The following WDR19 variants were observed in gnomAD, a reference collection of about 807,000 sequenced individuals.
The protein encoded by WDR19 is WD repeat-containing protein 19.
A neutral mutation model predicts 180.0 loss-of-function variants in WDR19; 121 were observed. The observed-to-expected ratio is 0.67, with a 90% CI of 0.58 to 0.78. The LOEUF is 0.78. Ranked by LOEUF, WDR19 falls within the 30% of genes least tolerant of loss-of-function variation. WDR19 has a pLI of 0.00. For synonymous variants in WDR19, 497 were observed against 540.7 expected (o/e 0.92, Z 1.12); for missense variants, 1,450 against 1,640.7 (o/e 0.88, Z 2.01).
intron 9 of WDR19, among the ~76,000 whole-genome samples, chr4:39,208,549 C>T (rs1311657577): frequency 6.6e-6 from 1 of 151,964 alleles, no homozygotes; most frequent in East Asian, 1.9e-4. Context: ...GTGATCCACC[C>T]GCCTTAGCCT....
intron 5 of WDR19, among the ~76,000 whole-genome samples, chr4:39,196,191 TGTAGCCCCA>T (rs1726728885): frequency 6.6e-6 from 1 of 152,236 alleles, no homozygotes; most frequent in Non-Finnish European, 1.5e-5. Context: ...GCAAAATCTC[TGTAGCCCCA>T]GTCTCTTCTC....
At chr4:39,217,679 G>C (rs532322367) in intron 13 of WDR19, among the ~76,000 whole-genome samples, 4 of 152,198 alleles carry the variant, frequency 2.6e-5, no homozygotes, top group Admixed American at 2.6e-4. Context: ...CTGTGAAGAG[G>C]GGGCTTCTAA....
At chr4:39,240,690 A>C (rs1043891653) in intron 21 of WDR19, among the ~76,000 whole-genome samples, 1 of 152,040 alleles carries the variant, frequency 6.6e-6, no homozygotes, top group Non-Finnish European at 1.5e-5. Context: ...GGTGGCTCAC[A>C]CCTGTAATCC....
At position 39,228,427 on chromosome 4, in the gene WDR19, T is replaced by A. The variant is rs1730507480; in HGVS notation, c.1778-59T>A. ...CATTGCAGTAAAATTAAAACATTCTTTCTGATGTTTGTGCTGAGTATTAGC... is the reference window on the plus strand; with the variant it reads ...CATTGCAGTAAAATTAAAACATTCTATCTGATGTTTGTGCTGAGTATTAGC... On this transcript the variant is annotated intron_variant, in intron 16 of 36. Transcript: ENST00000399820. 1.4e-5 allele frequency: 23 copies of A among 1,602,702 alleles called. No individual in the cohort carries two copies. In the South Asian group the frequency reaches 2.6e-4, roughly 18 times the overall value.
intron 13 of WDR19, 134 bp downstream of exon 13, chr4:39,217,374 C>A: frequency 1.5e-6 from 1 of 684,766 alleles, no homozygotes; most frequent in Non-Finnish European, 2.4e-6. Context: ...AAAGGATTAA[C>A]AAAACCCTTC....
In WDR19 at chr4:39,281,234, T is replaced by TAGAG. The variant is rs1189043858; in HGVS notation, c.*13+2572_*13+2573insGAGA. On this transcript the variant is annotated intron_variant, in intron 36 of 36. Coordinates refer to ENST00000399820, the MANE Select transcript of WDR19 (RefSeq NM_025132.4). ...GTGTGTGTATATATATATATATATA[T>TAGAG]ATAGAGAGAGAGAGAGAGAGAGAGA... 4.5e-3 allele frequency among the ~76,000 whole-genome samples: 486 copies of TAGAG among 108,344 alleles called. 6 individuals carry two copies. The highest frequency in any genetic ancestry group is 0.014 in the African/African-American group (294 of 21,008). The allele number at this position is 108,344 out of a possible 152,430, so 71.1% of individuals were successfully genotyped here.
intron 36 of WDR19, among the ~76,000 whole-genome samples, chr4:39,284,662 A>G (rs1447610991): frequency 6.6e-6 from 1 of 151,606 alleles, no homozygotes; most frequent in Non-Finnish European, 1.5e-5. Context: ...AAAAAAAAAA[A>G]AAAAATTCAG....
chr4:39,189,112 C>G (rs537068755), intron 3 of WDR19, among the ~76,000 whole-genome samples: 1 of 151,930 alleles, frequency 6.6e-6, no homozygotes, highest in Admixed American at 6.6e-5. Flanking sequence ...TTAGTAGAGA[C>G]GGGGTTTCTC....
chr4:39,236,710 TCC>T (rs928397361), intron 20 of WDR19, among the ~76,000 whole-genome samples: 8 of 152,322 alleles, frequency 5.3e-5, no homozygotes, highest in African/African-American at 1.7e-4. Flanking sequence ...CAAAAACTCT[TCC>T]CAGGAGGATA....
chr4:39,188,631 A>G (rs573847694), intron 3 of WDR19, among the ~76,000 whole-genome samples: 11 of 151,760 alleles, frequency 7.2e-5, no homozygotes, highest in South Asian at 4.1e-4. Flanking sequence ...AAAAAAAAAA[A>G]AAAAGAAAAG....
At chr4:39,234,744 A>T in intron 19 of WDR19, 22 bp from the exon 20 acceptor site, 1 of 1,508,968 alleles carries the variant, frequency 6.6e-7, no homozygotes, top group Non-Finnish European at 9.0e-7. Flanking sequence ...ATTTGAAATT[A>T]AGGTCTTTCT....
intron 4 of WDR19, among the ~76,000 whole-genome samples, chr4:39,194,273 A>G (rs899601588): frequency 6.6e-6 from 1 of 152,220 alleles, no homozygotes; most frequent in African/African-American, 2.4e-5. Context: ...TAAATATCTC[A>G]TCATAGGTCA....
chr4:39,234,334 G>C (rs144194286), intron 19 of WDR19, among the ~76,000 whole-genome samples: 42 of 152,242 alleles, frequency 2.8e-4, no homozygotes, highest in African/African-American at 8.9e-4. Context: ...TAGAGCTTCA[G>C]ATTTTCTAAG....
chr4:39,278,807 TA>T, intron 36 of WDR19, 144 bp downstream of exon 36: 1 of 416,778 alleles, frequency 2.4e-6, no homozygotes, highest in East Asian at 3.4e-5. Flanking sequence ...CCTTTTGATG[TA>T]TTTTTTTTAA....
intron 24 of WDR19, among the ~76,000 whole-genome samples, chr4:39,247,575 C>T (rs1312872515): frequency 6.6e-6 from 1 of 151,852 alleles, no homozygotes; most frequent in South Asian, 2.1e-4. Context: ...GGAGGAAGTT[C>T]GAACCAATGG....
chr4:39,187,236 C>T (rs1246464925), intron 3 of WDR19, among the ~76,000 whole-genome samples: 1 of 151,860 alleles, frequency 6.6e-6, no homozygotes. Flanking sequence ...CTGGCTAACA[C>T]GGTCAAACCT....
At chr4:39,280,141 T>TTTTTTTTTTTTTTTTA (rs368949539) in intron 36 of WDR19, among the ~76,000 whole-genome samples, 4 of 88,392 alleles carry the variant, frequency 4.5e-5, no homozygotes, top group East Asian at 3.6e-4. Context: ...TTTTTTTTTT[T>TTTTTTTTTTTTTTTTA]AATAGAGGCA....
In WDR19 at chr4:39,214,304, C is replaced by T. The variant is rs569918912; in HGVS notation, c.891-297C>T. Among the ~76,000 whole-genome samples the T allele has an allele frequency of 7.9e-5, 12 of 152,222 alleles. No homozygotes were observed. The South Asian group carries it at 2.5e-3, about 32-fold the overall frequency. On this transcript the variant is annotated intron_variant, in intron 9 of 36. Coordinates refer to ENST00000399820, the MANE Select transcript of WDR19 (RefSeq NM_025132.4). ...TTTTCGTACCCAAATTTCTTCAGGACAATTTTAACCTCCTTATTCCTGAAG... is the reference window on the plus strand; with the variant it reads ...TTTTCGTACCCAAATTTCTTCAGGATAATTTTAACCTCCTTATTCCTGAAG...
chr4:39,283,185 T>C (rs1736743440), intron 36 of WDR19, among the ~76,000 whole-genome samples: 1 of 152,220 alleles, frequency 6.6e-6, no homozygotes, highest in Non-Finnish European at 1.5e-5. Context: ...ATGCTTTTTC[T>C]CTATCAATTG....
Sources: gnomAD v4.1 joint callset for allele counts (sites outside exome capture counted in the v4.1 genomes callset) on GRCh38, gnomAD v4.1.1 for gene constraint, MANE v1.5 for transcripts, NCBI Gene and HGNC (gene_info 2026-07-23, HGNC 2026-07-21) for gene names.